NKAIN3: variants seen among roughly 807,000 people sequenced by gnomAD.
NKAIN3 encodes sodium/potassium transporting ATPase interacting 3.
NKAIN3 carries 25 observed loss-of-function variants against 30.2 expected under a neutral mutation model. The observed-to-expected ratio is 0.83, with a 90% CI of 0.60 to 1.16. The LOEUF (loss-of-function observed/expected upper bound fraction) is 1.16. NKAIN3 is among the 50% of genes most tolerant of loss of function. NKAIN3 has a pLI of 0.00. For missense variants in NKAIN3, 225 were observed against 254.1 expected (o/e 0.89, Z 0.78); for synonymous variants, 91 against 89.6 (o/e 1.02, Z -0.09).
intron 4 of NKAIN3, among the ~76,000 whole-genome samples, chr8:62,803,047 T>A (rs573315841): frequency 1.3e-5 from 2 of 152,178 alleles, no homozygotes; most frequent in East Asian, 3.9e-4. Flanking sequence ...AGGGATCAAT[T>A]CAACAAGAAG....
At chr8:62,832,347 A>G (rs1306365901) in intron 4 of NKAIN3, among the ~76,000 whole-genome samples, 2 of 151,922 alleles carry the variant, frequency 1.3e-5, no homozygotes, top group Non-Finnish European at 2.9e-5. Flanking sequence ...TTACTAATAT[A>G]TAGAAACTAC....
intron 3 of NKAIN3, among the ~76,000 whole-genome samples, chr8:62,666,200 A>G (rs1418300861): frequency 1.3e-5 from 2 of 152,170 alleles, no homozygotes; most frequent in African/African-American, 2.4e-5. Context: ...GCGACAGAGC[A>G]AGACTCTCTC....
chr8:62,345,452 T>C (rs1050170615), intron 1 of NKAIN3, among the ~76,000 whole-genome samples: 1 of 119,332 alleles, frequency 8.4e-6, no homozygotes, highest in Non-Finnish European at 1.7e-5. Context: ...TATACACACA[T>C]ATGTATATAT....
intron 4 of NKAIN3, among the ~76,000 whole-genome samples, chr8:62,839,706 C>G (rs1346774624): frequency 6.6e-6 from 1 of 152,050 alleles, no homozygotes; most frequent in East Asian, 1.9e-4. Context: ...GAGCCCAACT[C>G]CTGGGCTCAA....
At chr8:62,287,543 A>T (rs1190673641) in intron 1 of NKAIN3, among the ~76,000 whole-genome samples, 1 of 152,076 alleles carries the variant, frequency 6.6e-6, no homozygotes, top group Non-Finnish European at 1.5e-5. Context: ...TTTGGGGGGA[A>T]TTCTTGAATT....
At chr8:62,739,443 A>G (rs2130565053) in intron 3 of NKAIN3, among the ~76,000 whole-genome samples, 1 of 152,094 alleles carries the variant, frequency 6.6e-6, no homozygotes, top group East Asian at 1.9e-4. Context: ...ATTTTACCAG[A>G]ATTTATGTTG....
At chr8:62,895,938 A>T (rs1821415421) in intron 4 of NKAIN3, among the ~76,000 whole-genome samples, 1 of 151,278 alleles carries the variant, frequency 6.6e-6, no homozygotes, top group South Asian at 2.1e-4. Flanking sequence ...AATCATTAAA[A>T]CCAAAAACTC....
rs576485048 is a variant in NKAIN3, at chr8:62,814,839, A to T, written c.471+67710A>T. ...TAAAAGAACTAGAAAAGCAAGAGCA[A>T]ACACATTCAAAAGCTCGCAGAAGAC... On this transcript the variant is annotated intron_variant, in intron 4 of 6. Coordinates refer to ENST00000623646, the MANE Select transcript of NKAIN3 (RefSeq NM_001304533.3). 3.9e-5 allele frequency among the ~76,000 whole-genome samples: 6 copies of T among 152,242 alleles called. No homozygotes were observed. The South Asian group carries it at 1.2e-3, about 32-fold the overall frequency.
In NKAIN3 at chr8:62,589,737, G is replaced by A. The variant is rs1383042175; in HGVS notation, c.216G>A (p.Trp72Ter). 6.2e-7 allele frequency: 1 copy of A among 1,600,784 alleles called. No homozygotes were observed. The highest frequency in any genetic ancestry group is 8.5e-7 in the Non-Finnish European group (1 of 1,171,098). ...AGTATACAGTGTGGACTGCCCTCTG[G>A]GTCACCTGGAATGTGTTCATTATCT... ...IMVYTVWTAL[W>*]VTWNVFIICF... Residue 72 changes from tryptophan (W) to a stop codon, truncating the protein, a stop_gained, in exon 3 of 7, where the codon TGG (tryptophan) becomes TGA (stop). Coordinates refer to ENST00000623646, the MANE Select transcript of NKAIN3 (RefSeq NM_001304533.3). LOFTEE classifies it high-confidence loss of function.
chr8:62,956,090 G>A (rs1823410351), intron 6 of NKAIN3, among the ~76,000 whole-genome samples: 1 of 152,134 alleles, frequency 6.6e-6, no homozygotes. Context: ...GTCAGTATCT[G>A]TACTCTTCAC....
At chr8:62,863,986 G>A in intron 4 of NKAIN3, 1 of 771,354 alleles carries the variant, frequency 1.3e-6, no homozygotes, top group Non-Finnish European at 2.3e-6. Context: ...AAGAACTAAA[G>A]GAGCTTTCTG....
intron 4 of NKAIN3, among the ~76,000 whole-genome samples, chr8:62,838,359 C>CAT (rs764130544): frequency 2.0e-4 from 31 of 151,650 alleles, no homozygotes; most frequent in Non-Finnish European, 4.3e-4. Context: ...CACATACACA[C>CAT]ATATATATTG....
At chr8:62,298,293 G>T (rs1272805294) in intron 1 of NKAIN3, among the ~76,000 whole-genome samples, 1 of 152,134 alleles carries the variant, frequency 6.6e-6, no homozygotes, top group Non-Finnish European at 1.5e-5. Context: ...TGCACGTTGT[G>T]CATATGTACC....
At chr8:62,703,788 G>C (rs563323991) in intron 3 of NKAIN3, among the ~76,000 whole-genome samples, 1 of 152,190 alleles carries the variant, frequency 6.6e-6, no homozygotes, top group African/African-American at 2.4e-5. Context: ...TATTTGTCTA[G>C]GTGTAAAATG....
At chr8:62,785,854 A>G (rs994644367) in intron 4 of NKAIN3, among the ~76,000 whole-genome samples, 2 of 152,156 alleles carry the variant, frequency 1.3e-5, no homozygotes, top group Admixed American at 1.3e-4. Flanking sequence ...AAATCAGAAT[A>G]TGATCCTTAT....
rs570015349 is a variant in NKAIN3, at chr8:62,695,935, G to C, written c.274-50997G>C. Among the ~76,000 whole-genome samples, 26 of 152,098 alleles carry C rather than the reference G, an allele frequency of 1.7e-4. No individual in the cohort carries two copies. In the East Asian group the frequency reaches 4.9e-3, roughly 28 times the overall value. On this transcript the variant is annotated intron_variant, in intron 3 of 6. Transcript: ENST00000623646. ...GTATTTTCTGCACCTTAAAATGAAT[G>C]GTCCCAAATGAAGGAATTTTTTTAA...
chr8:62,387,481 A>G (rs1817465407), intron 1 of NKAIN3, among the ~76,000 whole-genome samples: 1 of 152,240 alleles, frequency 6.6e-6, no homozygotes, highest in African/African-American at 2.4e-5. Flanking sequence ...CAAGCTCAGC[A>G]GTTCATCTTA....
At chr8:62,707,735 T>A (rs1814579963) in intron 3 of NKAIN3, among the ~76,000 whole-genome samples, 1 of 152,180 alleles carries the variant, frequency 6.6e-6, no homozygotes, top group Admixed American at 6.5e-5. Context: ...TTTAATTAAG[T>A]CCCAGCTATT....
intron 1 of NKAIN3, among the ~76,000 whole-genome samples, chr8:62,562,401 G>C (rs1282962416): frequency 6.6e-6 from 1 of 152,100 alleles, no homozygotes; most frequent in South Asian, 2.1e-4. Flanking sequence ...AATGATAAAT[G>C]TGAAGAAGAA....
Sources: gnomAD v4.1 joint callset for allele counts (sites outside exome capture counted in the v4.1 genomes callset) on GRCh38, gnomAD v4.1.1 for gene constraint, MANE v1.5 for transcripts, NCBI Gene and HGNC (gene_info 2026-07-23, HGNC 2026-07-21) for gene names.